The following SLIT3 variants were observed in gnomAD, a reference collection of about 807,000 sequenced individuals.
SLIT3 encodes the protein slit homolog 3 protein.
SLIT3 carries 68 observed loss-of-function variants against 184.0 expected under a neutral mutation model. That is an observed-to-expected ratio of 0.37 (90% CI 0.30 to 0.45). The LOEUF is 0.45. SLIT3 is among the 20% of genes least tolerant of loss of function. The pLI is 1.00. For synonymous variants in SLIT3, 831 were observed against 828.6 expected (o/e 1.00, Z -0.05); for missense variants, 1,707 against 2,026.0 (o/e 0.84, Z 3.02).
At chr5:168,895,079 A>G (rs1242702147) in intron 4 of SLIT3, among the ~76,000 whole-genome samples, 1 of 152,194 alleles carries the variant, frequency 6.6e-6, no homozygotes, top group Non-Finnish European at 1.5e-5. Flanking sequence ...AGGTAAGAAA[A>G]AGAGAGGAAG....
chr5:168,709,940 A>G (rs999714790), intron 25 of SLIT3: 2 of 152,196 alleles, frequency 1.3e-5, no homozygotes, highest in Non-Finnish European at 2.9e-5. Flanking sequence ...AATTGGTTAT[A>G]ACCCTTTTTG....
At chr5:168,754,984 T>A (rs1754843350) in intron 16 of SLIT3, among the ~76,000 whole-genome samples, 1 of 152,240 alleles carries the variant, frequency 6.6e-6, no homozygotes, top group Admixed American at 6.5e-5. Context: ...ACTTCTAAGC[T>A]TTCTCACCAG....
At chr5:168,819,616 C>T (rs964641771) in intron 7 of SLIT3, among the ~76,000 whole-genome samples, 6 of 152,160 alleles carry the variant, frequency 3.9e-5, no homozygotes, top group African/African-American at 7.2e-5. Context: ...AACAAATTCC[C>T]GTCGGTTCCG....
At chr5:168,952,461 C>T (rs946034581) in intron 4 of SLIT3, among the ~76,000 whole-genome samples, 5 of 149,558 alleles carry the variant, frequency 3.3e-5, no homozygotes, top group South Asian at 2.1e-4. Flanking sequence ...ACCAGGCACC[C>T]GGCCCTGTCA....
At chr5:168,857,967 G>T (rs1013142731) in intron 5 of SLIT3, among the ~76,000 whole-genome samples, 1 of 152,206 alleles carries the variant, frequency 6.6e-6, no homozygotes, top group African/African-American at 2.4e-5. Context: ...GGCCACCGGG[G>T]ATCCTTCTAC....
chr5:169,228,752 G>C (rs978568412), intron 3 of SLIT3, among the ~76,000 whole-genome samples: 2 of 152,124 alleles, frequency 1.3e-5, no homozygotes, highest in East Asian at 3.8e-4. Context: ...AATCTTCCTA[G>C]TTAGAACCTT....
At position 168,663,715 on chromosome 5, in the gene SLIT3, A is replaced by G. The variant is rs2113139638; in HGVS notation, c.*2739T>C. 6.6e-6 allele frequency: 1 copy of G among 152,318 alleles called. No individual in the cohort carries two copies. Among genetic ancestry groups the G allele is most frequent in the South Asian group, 2.1e-4 (1 of 4,820 alleles). The allele number at this position is 152,318 out of a possible 1,614,324, so 9.4% of individuals were successfully genotyped here. On this transcript the variant is annotated 3_prime_UTR_variant, in exon 36 of 36. Transcript: ENST00000519560. The stretch of plus-strand genomic sequence containing the variant: ...TTCCCCAAACAAGCCAGGCCTGGCC[A>G]TATCTCATTGCTTTTTAAAAGGCCA...
chr5:169,145,363 T>C (rs1443308149), intron 4 of SLIT3, among the ~76,000 whole-genome samples: 1 of 152,148 alleles, frequency 6.6e-6, no homozygotes, highest in Non-Finnish European at 1.5e-5. Flanking sequence ...GCAGGGCGTG[T>C]CAGTTTCTTC....
At chr5:168,762,297 G>A (rs1046942080) in intron 15 of SLIT3, among the ~76,000 whole-genome samples, 7 of 152,118 alleles carry the variant, frequency 4.6e-5, no homozygotes, top group Non-Finnish European at 8.8e-5. Flanking sequence ...GCATGATGCC[G>A]GCTCACAGTA....
In SLIT3 at chr5:168,722,309, C is replaced by A. The variant is rs758767814; in HGVS notation, c.2430G>T (p.Arg810=). The A allele has an allele frequency of 6.2e-7, 1 of 1,614,128 alleles. No individual in the cohort carries two copies. The highest frequency in any genetic ancestry group is 8.5e-7 in the Non-Finnish European group (1 of 1,180,010). The change falls in exon 23 of 36, where the codon CGG becomes CGT. Residue 810 remains arginine (R), a synonymous_variant. Transcript: ENST00000519560. ...HLSTLILSYN[R]LRCIPVHAFN... ...AGGCGTGGACGGGGATGCACCTCAGCCGGTTGTAGCTCAGGATCCTGTGGA... is the reference window on the plus strand; with the variant it reads ...AGGCGTGGACGGGGATGCACCTCAGACGGTTGTAGCTCAGGATCCTGTGGA...
chr5:169,104,675 C>T (rs1391920199), intron 4 of SLIT3, among the ~76,000 whole-genome samples: 4 of 152,172 alleles, frequency 2.6e-5, no homozygotes, highest in East Asian at 1.9e-4. Flanking sequence ...GATTTTTTCT[C>T]GTATTTTGGA....
chr5:168,806,857 CT>C (rs1223330569), intron 8 of SLIT3, among the ~76,000 whole-genome samples: 4 of 152,152 alleles, frequency 2.6e-5, no homozygotes, highest in Admixed American at 2.6e-4. Flanking sequence ...AAGAGGGGCC[CT>C]CAGAGTCAGT....
chr5:168,775,746 C>A (rs1022737766), intron 12 of SLIT3, among the ~76,000 whole-genome samples: 1 of 152,148 alleles, frequency 6.6e-6, no homozygotes, highest in Non-Finnish European at 1.5e-5. Flanking sequence ...ATCCCTCACC[C>A]CTTCCAGGGT....
chr5:169,256,101 T>C lies in SLIT3; in HGVS notation c.198-4642A>G, dbSNP rs540200246. Among the ~76,000 whole-genome samples the C allele has an allele frequency of 1.0e-3, 149 of 143,278 alleles. 1 individual carries two copies. Among genetic ancestry groups the C allele is most frequent in the African/African-American group, 3.5e-3 (142 of 40,042 alleles). The allele number at this position is 143,278 out of a possible 152,430, so 94.0% of individuals were successfully genotyped here. A position where few individuals can be genotyped will look rare whatever the true frequency, so the allele number is the denominator to read the frequency against. ...GGTAAGTACCTATTTAGGTATACTA[T>C]TTTTTTTTTATCTTTTATACCGTAT... On this transcript the variant is annotated intron_variant, in intron 1 of 35. Transcript: ENST00000519560.
Position 168,692,642 on chromosome 5 carries a change from A to G in SLIT3, c.3141T>C (p.His1047=). The stretch of plus-strand genomic sequence containing the variant: ...TGTCCAGGGGGATGCACTTGGCCTC[A>G]TGCTGACAGAGGTTCAGCTCAGGCA... ...HCVPELNLCQ[H]EAKCIPLDKG... is the part of the protein sequence containing the mutation. Residue 1047 remains histidine (H), a synonymous_variant, in exon 29 of 36, where the codon CAT becomes CAC. Coordinates refer to ENST00000519560, the MANE Select transcript of SLIT3 (RefSeq NM_003062.4). The G allele has an allele frequency of 1.2e-6, 2 of 1,614,124 alleles. No individual in the cohort carries two copies. Among genetic ancestry groups the G allele is most frequent in the Non-Finnish European group, 1.7e-6 (2 of 1,179,980 alleles).
intron 4 of SLIT3, among the ~76,000 whole-genome samples, chr5:169,098,615 AACAC>A (rs1363568735): frequency 6.6e-6 from 1 of 152,220 alleles, no homozygotes; most frequent in African/African-American, 2.4e-5. Context: ...TAGCTCAGCA[AACAC>A]ACACAAGAGC....
intron 5 of SLIT3, among the ~76,000 whole-genome samples, chr5:168,860,911 A>T (rs967838658): frequency 6.6e-6 from 1 of 152,118 alleles, no homozygotes; most frequent in African/African-American, 2.4e-5. Context: ...GCGGCCCTGC[A>T]TGACATGCTG....
At chr5:169,262,588 G>A (rs995410129) in intron 1 of SLIT3, among the ~76,000 whole-genome samples, 4 of 152,096 alleles carry the variant, frequency 2.6e-5, no homozygotes, top group Admixed American at 1.3e-4. Context: ...AAAAGGGGCC[G>A]AGCAAGGAAA....
At chr5:168,676,287 G>A (rs1176408105) in intron 32 of SLIT3, among the ~76,000 whole-genome samples, 2 of 152,170 alleles carry the variant, frequency 1.3e-5, no homozygotes, top group African/African-American at 4.8e-5. Flanking sequence ...GGGAAGATAG[G>A]GTAACTGCAC....
Sources: allele counts gnomAD v4.1 joint callset (sites outside exome capture counted in the v4.1 genomes callset), GRCh38; gene constraint gnomAD v4.1.1; transcripts MANE v1.5; gene names NCBI Gene and HGNC (gene_info 2026-07-23, HGNC 2026-07-21).